The following P2RY12 variants were observed in gnomAD, a reference collection of about 807,000 sequenced individuals.
The protein encoded by P2RY12 is P2Y purinoceptor 12.
A neutral mutation model predicts 4.5 loss-of-function variants in P2RY12; 3 were observed. The observed-to-expected ratio is 0.67, with a 90% CI of 0.31 to 1.74. The LOEUF (loss-of-function observed/expected upper bound fraction) is 1.74. Ranked by LOEUF, P2RY12 falls within the 40% of genes most tolerant of loss-of-function variation. The pLI, the probability that P2RY12 is intolerant of heterozygous loss-of-function variation, is 0.09. For missense variants in P2RY12, 356 were observed against 407.8 expected, an observed-to-expected ratio of 0.87 and a Z score of 1.09; for synonymous variants, 148 against 154.1, an observed-to-expected ratio of 0.96 and a Z score of 0.29.
At chr3:151,367,796 T>C (rs1224137713) in intron 1 of P2RY12, 1 of 1,579,526 alleles carries the variant, frequency 6.3e-7, no homozygotes. Flanking sequence ...CATCCGTTGC[T>C]CTTTGATTGT....
chr3:151,347,571 C>T (rs1752685682), intron 1 of P2RY12, among the ~76,000 whole-genome samples: 1 of 152,056 alleles, frequency 6.6e-6, no homozygotes, highest in African/African-American at 2.4e-5. Flanking sequence ...AGCATTTCAG[C>T]AAGTGAAATC....
chr3:151,373,034 C>A (rs1756383526), intron 1 of P2RY12, among the ~76,000 whole-genome samples: 1 of 152,060 alleles, frequency 6.6e-6, no homozygotes, highest in African/African-American at 2.4e-5. Flanking sequence ...CCTATTTTTT[C>A]TGAATCATTT....
At chr3:151,343,254 A>G (rs1028304657) in intron 1 of P2RY12, among the ~76,000 whole-genome samples, 2 of 152,190 alleles carry the variant, frequency 1.3e-5, no homozygotes, top group African/African-American at 2.4e-5. Flanking sequence ...CAAGAAAATG[A>G]TTATTTTTAA....
intron 1 of P2RY12, among the ~76,000 whole-genome samples, chr3:151,347,013 G>A (rs1413093218): frequency 6.6e-6 from 1 of 152,000 alleles, no homozygotes; most frequent in East Asian, 1.9e-4. Context: ...TTTAACTAGT[G>A]GATACATCTT....
intron 1 of P2RY12, among the ~76,000 whole-genome samples, chr3:151,348,340 C>CAAAA (rs11382065): frequency 1.1e-4 from 10 of 87,802 alleles, no homozygotes; most frequent in African/African-American, 3.1e-4. Context: ...ACCACCAGAC[C>CAAAA]AAAAAAAAAA....
intron 1 of P2RY12, chr3:151,378,178 G>C (rs1333211901): frequency 6.3e-7 from 1 of 1,596,318 alleles, no homozygotes; most frequent in African/African-American, 1.3e-5. Flanking sequence ...GAAAAGGTGT[G>C]GCTGGAAGAT....
At chr3:151,369,027 C>G (rs1169770502) in intron 1 of P2RY12, among the ~76,000 whole-genome samples, 1 of 152,136 alleles carries the variant, frequency 6.6e-6, no homozygotes, top group Non-Finnish European at 1.5e-5. Flanking sequence ...TCCCAAAGTG[C>G]TGGGATTACA....
Position 151,380,455 on chromosome 3 carries a change from G to A in P2RY12, c.-180+4237C>T, listed in dbSNP as rs182003739. 1.4e-3 allele frequency among the ~76,000 whole-genome samples: 208 copies of A among 152,050 alleles called. 2 individuals carry two copies. The highest frequency in any genetic ancestry group is 4.6e-3 in the African/African-American group (189 of 41,470). ...GTACTAAAAATACAAAAATTAGCCG[G>A]GCATGATGGTGTGCGCCTATGATCC... On this transcript the variant is annotated intron_variant, in intron 1 of 2. Coordinates refer to ENST00000302632, the MANE Select transcript of P2RY12 (RefSeq NM_022788.5).
intron 1 of P2RY12, among the ~76,000 whole-genome samples, chr3:151,382,948 T>C (rs1712655784): frequency 6.6e-6 from 1 of 152,158 alleles, no homozygotes; most frequent in Admixed American, 6.5e-5. Context: ...ATCTAGACAG[T>C]GCTAGGTATT....
rs1359052772 is a variant in P2RY12 at position 151,370,049 on chromosome 3, C to G, written c.-180+14643G>C. The stretch of plus-strand genomic sequence containing the variant: ...TTTTTGATGACCCAGGCAATAGTTG[C>G]AATGATGTTGATATTATTGATAAAT... On this transcript the variant is annotated intron_variant, in intron 1 of 2. Transcript: ENST00000302632. Among the ~76,000 whole-genome samples the G allele has an allele frequency of 2.0e-5, 3 of 152,186 alleles. No homozygotes were observed. In the South Asian group the frequency reaches 6.2e-4, roughly 32 times the overall value.
intron 1 of P2RY12, chr3:151,383,707 G>C: frequency 1.1e-6 from 1 of 911,756 alleles, no homozygotes. Flanking sequence ...ATCAAAATTT[G>C]ATAACATAAA....
chr3:151,345,378 C>T (rs993089403), intron 1 of P2RY12, among the ~76,000 whole-genome samples: 5 of 152,122 alleles, frequency 3.3e-5, no homozygotes, highest in Admixed American at 2.0e-4. Context: ...AACTTGAGGG[C>T]GTTTAAACAC....
intron 1 of P2RY12, among the ~76,000 whole-genome samples, chr3:151,378,515 A>G (rs1711630913): frequency 6.6e-6 from 1 of 151,720 alleles, no homozygotes. Flanking sequence ...TATTATTTAG[A>G]TATTTATGTT....
At chr3:151,371,997 A>C (rs978316285) in intron 1 of P2RY12, among the ~76,000 whole-genome samples, 1 of 152,136 alleles carries the variant, frequency 6.6e-6, no homozygotes, top group African/African-American at 2.4e-5. Context: ...GTAAAAAAAC[A>C]GGGGTTATTC....
intron 1 of P2RY12, chr3:151,377,189 CTGT>C: frequency 6.3e-7 from 1 of 1,598,112 alleles, no homozygotes; most frequent in Non-Finnish European, 8.5e-7. Context: ...GTATTTTTGT[CTGT>C]TGTTTTATTG....
At chr3:151,360,498 C>T (rs1414556302) in intron 1 of P2RY12, 31 of 1,612,544 alleles carry the variant, frequency 1.9e-5, no homozygotes, top group Middle Eastern at 1.6e-4. Context: ...TCAAGCATGT[C>T]GTAAACCCCT....
At chr3:151,348,373 A>C in intron 1 of P2RY12, among the ~76,000 whole-genome samples, 1 of 147,670 alleles carries the variant, frequency 6.8e-6, no homozygotes, top group East Asian at 2.0e-4. Context: ...AGAAAAAAGA[A>C]ATATATCAGT....
chr3:151,368,036 C>T, intron 1 of P2RY12: 1 of 945,112 alleles, frequency 1.1e-6, no homozygotes, highest in Non-Finnish European at 1.6e-6. Flanking sequence ...ATTTTCTTAC[C>T]ATAAGGAAAA....
At chr3:151,359,938 A>G (rs958452336) in intron 1 of P2RY12, among the ~76,000 whole-genome samples, 42 of 152,178 alleles carry the variant, frequency 2.8e-4, no homozygotes, top group Admixed American at 2.1e-3. Context: ...CTTATATAAG[A>G]TAAACTAAAA....
Sources: allele counts gnomAD v4.1 joint callset (sites outside exome capture counted in the v4.1 genomes callset), GRCh38; gene constraint gnomAD v4.1.1; transcripts MANE v1.5; gene names NCBI Gene and HGNC (gene_info 2026-07-23, HGNC 2026-07-21).